SH3RF3: variants seen among roughly 807,000 people sequenced by gnomAD.
The protein encoded by SH3RF3 is SH3 domain containing ring finger 3.
Under a neutral mutation model 66.3 loss-of-function variants are expected in SH3RF3, and 29 were observed. That is an observed-to-expected ratio of 0.44 (90% confidence interval 0.33 to 0.60). The LOEUF is 0.60. Ranked by LOEUF, SH3RF3 falls within the 20% of genes least tolerant of loss-of-function variation. SH3RF3 has a pLI of 0.04. For missense variants in SH3RF3, 1,194 were observed against 1,190.9 expected (o/e 1.00, Z -0.04); for synonymous variants, 583 against 532.0 (o/e 1.10, Z -1.32).
intron 1 of SH3RF3, among the ~76,000 whole-genome samples, chr2:109,306,750 A>G (rs1681607391): frequency 6.6e-6 from 1 of 152,210 alleles, no homozygotes; most frequent in Admixed American, 6.5e-5. Flanking sequence ...TGATTCCACT[A>G]GGGGATGGTG....
chr2:109,420,424 G>T (rs958070392), intron 5 of SH3RF3, among the ~76,000 whole-genome samples: 29 of 150,896 alleles, frequency 1.9e-4, no homozygotes, highest in Admixed American at 4.6e-4. Context: ...AGGATTTTTT[G>T]TTGTTGTTGT....
intron 1 of SH3RF3, among the ~76,000 whole-genome samples, chr2:109,241,033 A>G (rs1249160909): frequency 1.3e-5 from 2 of 152,242 alleles, no homozygotes; most frequent in Non-Finnish European, 2.9e-5. Context: ...TCTATAGAGC[A>G]TCAGAAGAAT....
intron 1 of SH3RF3, among the ~76,000 whole-genome samples, chr2:109,205,729 C>T (rs1445903686): frequency 2.0e-5 from 3 of 152,222 alleles, no homozygotes; most frequent in East Asian, 1.9e-4. Context: ...GTGCACTTTG[C>T]TCACTGGCAG....
chr2:109,210,442 G>A (rs1678947011), intron 1 of SH3RF3, among the ~76,000 whole-genome samples: 1 of 152,252 alleles, frequency 6.6e-6, no homozygotes, highest in Admixed American at 6.5e-5. Flanking sequence ...GCTACATGTT[G>A]TTTTCAGAGT....
At chr2:109,257,880 A>G (rs1227865452) in intron 1 of SH3RF3, among the ~76,000 whole-genome samples, 2 of 152,124 alleles carry the variant, frequency 1.3e-5, no homozygotes, top group African/African-American at 2.4e-5. Flanking sequence ...GACAGAGCAC[A>G]CTGCTTCTCT....
intron 1 of SH3RF3, among the ~76,000 whole-genome samples, chr2:109,222,268 C>T (rs947963110): frequency 4.6e-5 from 7 of 152,094 alleles, no homozygotes; most frequent in African/African-American, 9.7e-5. Flanking sequence ...AATGAATTCT[C>T]GTGTTTGATA....
chr2:109,180,051 G>T (rs1678039554), intron 1 of SH3RF3, among the ~76,000 whole-genome samples: 1 of 152,082 alleles, frequency 6.6e-6, no homozygotes, highest in South Asian at 2.1e-4. Context: ...TGTAAGGTTT[G>T]CTCTCTGTGG....
At position 109,129,249 on chromosome 2, in the gene SH3RF3, C is replaced by G. The variant is rs1291128087; in HGVS notation, c.-292C>G. The G allele has an allele frequency of 5.2e-6, 3 of 579,708 alleles. No individual in the cohort carries two copies. Among genetic ancestry groups the G allele is most frequent in the South Asian group, 1.8e-5 (1 of 57,100 alleles). 35.9% of individuals were successfully genotyped at this position (579,708 alleles called of 1,614,324 possible). On this transcript the variant is annotated 5_prime_UTR_variant, in exon 1 of 10. Transcript: ENST00000309415. Reference sequence around the variant, plus strand: ...GTGCCCGGCAGCACCCCCGGTCCCCCGCGCGGGGCGGACTTGCGGCGGGAC... The same window carrying G: ...GTGCCCGGCAGCACCCCCGGTCCCCGGCGCGGGGCGGACTTGCGGCGGGAC...
intron 1 of SH3RF3, among the ~76,000 whole-genome samples, chr2:109,214,891 G>A (rs767181360): frequency 5.3e-5 from 8 of 152,318 alleles, no homozygotes; most frequent in South Asian, 2.1e-4. Context: ...TCTGAGACTT[G>A]GAGGGTGGTA....
intron 8 of SH3RF3, among the ~76,000 whole-genome samples, chr2:109,487,792 G>A (rs966609894): frequency 1.2e-4 from 18 of 152,118 alleles, no homozygotes; most frequent in Non-Finnish European, 2.1e-4. Context: ...GGCTCTCCCC[G>A]ACGGGCCCAA....
intron 7 of SH3RF3, among the ~76,000 whole-genome samples, chr2:109,438,813 A>G (rs940672270): frequency 6.6e-6 from 1 of 152,196 alleles, no homozygotes; most frequent in Non-Finnish European, 1.5e-5. Context: ...GGCAGCCAAT[A>G]TGCTGATCTG....
intron 1 of SH3RF3, among the ~76,000 whole-genome samples, chr2:109,220,324 A>G (rs538579307): frequency 6.6e-6 from 1 of 152,340 alleles, no homozygotes; most frequent in African/African-American, 2.4e-5. Flanking sequence ...TAAAACTGTT[A>G]TAAGAATACA....
chr2:109,484,502 G>C (rs973529042), intron 8 of SH3RF3, among the ~76,000 whole-genome samples: 3 of 152,096 alleles, frequency 2.0e-5, no homozygotes, highest in Non-Finnish European at 4.4e-5. Context: ...CACCAGCCCA[G>C]GCCTTTTCAT....
chr2:109,488,876 T>C lies in SH3RF3; in HGVS notation c.2149-1729T>C, dbSNP rs376746272. ...GAGGGAGAGTGAGGCAGAGGGGAGA[T>C]AGGCCGGGAGGCTGCAAGCCCAGTA... On this transcript the variant is annotated intron_variant, in intron 8 of 9. Transcript: ENST00000309415. Among the ~76,000 whole-genome samples, 33 of 152,274 alleles carry C rather than the reference T, an allele frequency of 2.2e-4. No homozygotes were observed. The South Asian group carries it at 6.6e-3, about 31-fold the overall frequency.
At chr2:109,465,554 A>T (rs1293808635) in intron 8 of SH3RF3, among the ~76,000 whole-genome samples, 1 of 152,232 alleles carries the variant, frequency 6.6e-6, no homozygotes, top group Non-Finnish European at 1.5e-5. Context: ...CATTGTTATT[A>T]TACTTTGCAG....
intron 2 of SH3RF3, among the ~76,000 whole-genome samples, chr2:109,368,141 T>G (rs1275597869): frequency 6.6e-6 from 1 of 152,266 alleles, no homozygotes; most frequent in Non-Finnish European, 1.5e-5. Flanking sequence ...ATTTTTCTCT[T>G]AAGGTATTTG....
intron 3 of SH3RF3, among the ~76,000 whole-genome samples, chr2:109,375,248 C>T (rs773574796): frequency 1.3e-5 from 2 of 152,256 alleles, no homozygotes; most frequent in Non-Finnish European, 2.9e-5. Context: ...CTCCAGCCAC[C>T]GTCCCATGCC....
At chr2:109,407,332 T>A in intron 4 of SH3RF3, among the ~76,000 whole-genome samples, 1 of 152,212 alleles carries the variant, frequency 6.6e-6, no homozygotes, top group East Asian at 1.9e-4. Flanking sequence ...AGACAGCATT[T>A]CTCAAGTCTC....
chr2:109,449,182 C>A lies in SH3RF3; in HGVS notation c.1841C>A (p.Ala614Glu). The stretch of plus-strand genomic sequence containing the variant: ...ACCCCGTCTCCAGCTGCCCACTCTG[C>A]AGCCCAGGCTCAGGACCGGCCAACT... Reference protein sequence around the residue: ...RSTISTAAHSAAQAQDRPTAT... With the variant: ...RSTISTAAHSEAQAQDRPTAT... Residue 614 changes from alanine to glutamate, a missense_variant, in exon 8 of 10, where the codon GCA (alanine) becomes GAA (glutamate). Transcript: ENST00000309415. 6.2e-7 allele frequency: 1 copy of A among 1,613,558 alleles called. No homozygotes were observed. Among genetic ancestry groups the A allele is most frequent in the South Asian group, 1.1e-5 (1 of 90,960 alleles).
Sources: allele counts gnomAD v4.1 joint callset (sites outside exome capture counted in the v4.1 genomes callset), GRCh38; gene constraint gnomAD v4.1.1; transcripts MANE v1.5; gene names NCBI Gene and HGNC (gene_info 2026-07-23, HGNC 2026-07-21).